The following RBM26 variants were observed in gnomAD, a reference collection of about 807,000 sequenced individuals.
The protein encoded by RBM26 is RNA-binding protein 26.
RBM26 carries 30 observed loss-of-function variants against 123.6 expected under a neutral mutation model. The observed-to-expected ratio is 0.24, with a 90% CI of 0.18 to 0.33. RBM26 has a LOEUF of 0.33. Among genes scored for constraint, RBM26 ranks in the 10% least tolerant of loss-of-function variants. RBM26 has a pLI of 1.00. For missense variants in RBM26, 947 were observed against 1,203.6 expected (o/e 0.79, Z 3.15); for synonymous variants, 400 against 404.4 (o/e 0.99, Z 0.13).
At chr13:79,367,428 A>AAAAAAAAAAAAAAAAAAAAG (rs1566476078) in intron 6 of RBM26, among the ~76,000 whole-genome samples, 3 of 43,408 alleles carry the variant, frequency 6.9e-5, no homozygotes, top group African/African-American at 1.9e-4. Context: ...AAAAAAAAAA[A>AAAAAAAAAAAAAAAAAAAAG]AAAAGAAGAA....
chr13:79,370,976 C>A lies in RBM26; in HGVS notation c.603G>T (p.Arg201Ser). 2.5e-6 allele frequency: 4 copies of A among 1,593,412 alleles called. No homozygotes were observed. Among genetic ancestry groups the A allele is most frequent in the South Asian group, 1.1e-5 (1 of 90,634 alleles). ...TTCGTGTTCTGCTTCTGCTTCTAGT[C>A]CTGCTTCTATCTCTGTCCCTCTCAC... ...RLRERDRDRS[R>S]TRSRSRTRSR... The change falls in exon 5 of 22, where the codon AGG becomes AGT. Residue 201 changes from arginine to serine, a missense_variant. Transcript: ENST00000438737.
chr13:79,359,571 T>A lies in RBM26; in HGVS notation c.1529+4A>T. ...ATACTCCTCAATTTTCCTGGCCACC[T>A]TACTTATCAAACCAAGTCTTCTTTG... On this transcript the variant is annotated splice_donor_region_variant and intron_variant, in intron 10 of 21. Coordinates refer to ENST00000438737, the MANE Select transcript of RBM26 (RefSeq NM_001366735.2). 1.4e-6 allele frequency: 2 copies of A among 1,442,044 alleles called. No individual in the cohort carries two copies. The highest frequency in any genetic ancestry group is 1.9e-6 in the Non-Finnish European group (2 of 1,041,666). The allele number at this position is 1,442,044 out of a possible 1,614,324, so 89.3% of individuals were successfully genotyped here.
chr13:79,368,175 C>G (rs184241024), intron 6 of RBM26, among the ~76,000 whole-genome samples: 1 of 152,198 alleles, frequency 6.6e-6, no homozygotes, highest in East Asian at 1.9e-4. Flanking sequence ...CAGGCGCCAG[C>G]CACCACGCCC....
chr13:79,362,468 A>G (rs1037263703), intron 9 of RBM26, among the ~76,000 whole-genome samples: 1 of 152,106 alleles, frequency 6.6e-6, no homozygotes, highest in African/African-American at 2.4e-5. Context: ...TACAGTCACA[A>G]AATTCCTTCA....
chr13:79,361,423 T>A (rs1315315477), intron 9 of RBM26, among the ~76,000 whole-genome samples: 1 of 152,154 alleles, frequency 6.6e-6, no homozygotes, highest in Non-Finnish European at 1.5e-5. Context: ...TCTCTCTCCA[T>A]ACTCCCACAG....
At chr13:79,321,619 C>A (rs2067678462) in intron 21 of RBM26, among the ~76,000 whole-genome samples, 1 of 151,280 alleles carries the variant, frequency 6.6e-6, no homozygotes, top group Non-Finnish European at 1.5e-5. Flanking sequence ...GAAAAATGCA[C>A]ACTTTCATTT....
intron 20 of RBM26, among the ~76,000 whole-genome samples, chr13:79,333,095 C>T (rs7996740): frequency 0.99 from 150,291 of 152,292 alleles, 74,200 homozygotes; most frequent in East Asian, 1. Context: ...AGGAAGCTTA[C>T]TCTAAACTTG....
At chr13:79,380,234 CCA>C (rs566838615) in intron 1 of RBM26, among the ~76,000 whole-genome samples, 150 of 152,120 alleles carry the variant, frequency 9.9e-4, no homozygotes, top group African/African-American at 3.5e-3. Flanking sequence ...GTATTAAAAT[CCA>C]CACAAAAGAA....
chr13:79,358,492 A>C, intron 10 of RBM26, 59 bp from the exon 11 acceptor site: 1 of 1,311,364 alleles, frequency 7.6e-7, no homozygotes, highest in Non-Finnish European at 1.1e-6. Flanking sequence ...AACCAAATAC[A>C]AGGGAATAAA....
intron 20 of RBM26, among the ~76,000 whole-genome samples, chr13:79,329,609 A>T (rs567868797): frequency 1.3e-5 from 2 of 152,230 alleles, no homozygotes; most frequent in South Asian, 2.1e-4. Context: ...GCCAACCTGT[A>T]GTCTCCTGGC....
chr13:79,337,915 A>C (rs887452758), intron 18 of RBM26, among the ~76,000 whole-genome samples: 8 of 152,204 alleles, frequency 5.3e-5, no homozygotes, highest in Non-Finnish European at 7.3e-5. Context: ...AGTGTAAAGA[A>C]GCATTAAACA....
chr13:79,360,084 A>G (rs1474374149), intron 9 of RBM26, among the ~76,000 whole-genome samples: 3 of 152,110 alleles, frequency 2.0e-5, no homozygotes, highest in Admixed American at 6.6e-5. Flanking sequence ...TTTGACAGAG[A>G]AAGACAGGGA....
chr13:79,343,068 G>T (rs1202535551), intron 16 of RBM26, among the ~76,000 whole-genome samples: 1 of 151,422 alleles, frequency 6.6e-6, no homozygotes, highest in African/African-American at 2.4e-5. Flanking sequence ...TTACTATTTG[G>T]GTCTCTCAGA....
intron 6 of RBM26, among the ~76,000 whole-genome samples, chr13:79,367,392 G>T (rs1389880006): frequency 1.1e-5 from 1 of 91,366 alleles, no homozygotes; most frequent in African/African-American, 3.0e-5. Flanking sequence ...GGGGTATAGG[G>T]GGAGACTCCA....
chr13:79,389,975 TGTA>T (rs1003431245), intron 1 of RBM26, among the ~76,000 whole-genome samples: 11 of 152,278 alleles, frequency 7.2e-5, no homozygotes, highest in Admixed American at 3.3e-4. Flanking sequence ...AAATACTAGT[TGTA>T]GTAGCAACAT....
At chr13:79,390,904 A>G (rs1278153698) in intron 1 of RBM26, among the ~76,000 whole-genome samples, 4 of 152,204 alleles carry the variant, frequency 2.6e-5, no homozygotes, top group Non-Finnish European at 4.4e-5. Context: ...GAATAGTGTA[A>G]AAGATATAGA....
chr13:79,323,970 AT>A (rs60953632), intron 20 of RBM26, among the ~76,000 whole-genome samples: 149,776 of 151,770 alleles, frequency 0.99, 73,946 homozygotes, highest in Non-Finnish European at 1. Context: ...TGATAAAACT[AT>A]TGTTTTATAT....
intron 1 of RBM26, among the ~76,000 whole-genome samples, chr13:79,393,074 T>A (rs950061017): frequency 1.3e-5 from 2 of 152,142 alleles, no homozygotes; most frequent in African/African-American, 4.8e-5. Context: ...TCATGAGTAA[T>A]TCTGGGAGCA....
At chr13:79,381,533 A>G (rs922804872) in intron 1 of RBM26, among the ~76,000 whole-genome samples, 1 of 151,986 alleles carries the variant, frequency 6.6e-6, no homozygotes, top group Non-Finnish European at 1.5e-5. Flanking sequence ...GTTGTGGTGA[A>G]TTTTTAACTT....
Sources: allele counts gnomAD v4.1 joint callset (sites outside exome capture counted in the v4.1 genomes callset), GRCh38; gene constraint gnomAD v4.1.1; transcripts MANE v1.5; gene names NCBI Gene and HGNC (gene_info 2026-07-23, HGNC 2026-07-21).